Variants in EVC2 observed in about 807,000 individuals in gnomAD.
The protein encoded by EVC2 is EvC ciliary complex subunit 2.
Under a neutral mutation model 149.3 loss-of-function variants are expected in EVC2, and 148 were observed. The observed-to-expected ratio is 0.99, with a 90% CI of 0.87 to 1.14. The LOEUF (loss-of-function observed/expected upper bound fraction) is 1.14. Among genes scored for constraint, EVC2 ranks in the 50% most tolerant of loss-of-function variants. The probability of loss-of-function intolerance (pLI) is 0.00; values close to 1 mark genes in which losing one functional copy is unlikely to be tolerated. For missense variants in EVC2, 1,854 were observed against 1,627.3 expected (o/e 1.14, Z -2.40); for synonymous variants, 776 against 649.9 (o/e 1.19, Z -2.95).
At chr4:5,611,482 A>G (rs900439438) in intron 16 of EVC2, among the ~76,000 whole-genome samples, 5 of 152,208 alleles carry the variant, frequency 3.3e-5, no homozygotes, top group Admixed American at 6.5e-5. Flanking sequence ...TGATGAAAGC[A>G]GAGGCCTGGG....
chr4:5,621,792 C>T (rs1389386233), intron 14 of EVC2, among the ~76,000 whole-genome samples: 1 of 152,140 alleles, frequency 6.6e-6, no homozygotes, highest in Non-Finnish European at 1.5e-5. Flanking sequence ...GGAGGATTGC[C>T]TAAGCCCAGG....
Position 5,568,526 on chromosome 4 carries a change from G to A in EVC2, c.3475C>T (p.Leu1159=). 6.3e-7 allele frequency: 1 copy of A among 1,590,488 alleles called. No homozygotes were observed. Reference sequence around the variant, plus strand: ...ACATGTCTCTCGGTGGCCGAATCCAGCAGGGCCAGCAGCTGAGGCTGTGAG... The same window carrying A: ...ACATGTCTCTCGGTGGCCGAATCCAACAGGGCCAGCAGCTGAGGCTGTGAG... ...TASQPQLLAL[L]DSATERHVDH... is the part of the protein sequence containing the mutation. Residue 1159 remains leucine (L), a synonymous_variant, in exon 20 of 22, where the codon CTG becomes TTG. Coordinates refer to ENST00000344408, the MANE Select transcript of EVC2 (RefSeq NM_147127.5).
intron 16 of EVC2, among the ~76,000 whole-genome samples, chr4:5,596,943 G>A (rs371688378): frequency 2.5e-4 from 38 of 152,222 alleles, no homozygotes; most frequent in African/African-American, 7.7e-4. Context: ...ACACCTCTAC[G>A]CAAATAAACT....
Position 5,708,494 on chromosome 4 carries a change from C to T in EVC2, c.20G>A (p.Arg7Gln), listed in dbSNP as rs969322078. Residue 7 changes from arginine to glutamine, a missense_variant, in exon 1 of 22, where the codon CGG (arginine) becomes CAG (glutamine). Transcript: ENST00000344408. MDPSGSRGRPTWVLAGG... is the reference protein window; with the variant it reads MDPSGSQGRPTWVLAGG... ...GGCCAGCACCCACGTGGGGCGCCCC[C>T]GGGAGCCCGAGGGGTCCATCGCCTG... 5 of 1,479,636 alleles carry T rather than the reference C, an allele frequency of 3.4e-6. No individual in the cohort carries two copies. In the African/African-American group the frequency reaches 5.9e-5, roughly 17 times the overall value. 91.7% of individuals were successfully genotyped at this position (1,479,636 alleles called of 1,614,324 possible).
At chr4:5,626,373 G>C (rs2108844086) in intron 12 of EVC2, among the ~76,000 whole-genome samples, 1 of 128,112 alleles carries the variant, frequency 7.8e-6, no homozygotes, top group South Asian at 2.6e-4. Flanking sequence ...TGGCTCTGTT[G>C]CCCAGGCTGG....
the EVC2 span, among the ~76,000 whole-genome samples, chr4:5,534,818 G>GAAAAAAAAAAAAAAAAAAAAAAA: frequency 1.5e-5 from 1 of 66,886 alleles, no homozygotes; most frequent in African/African-American, 5.2e-5. Context: ...CATCTGGTAG[G>GAAAAAAAAAAAAAAAAAAAAAAA]AAAAAAAAAA....
At chr4:5,543,066 C>T (rs1411284061) in exon 22 of EVC2, 12 of 1,121,070 alleles carry the variant, frequency 1.1e-5, no homozygotes. Context: ...ACAGAGGCTC[C>T]AACGATTGCA....
chr4:5,565,367 C>G lies in EVC2; in HGVS notation c.3558-8G>C. 6.2e-7 allele frequency: 1 copy of G among 1,613,610 alleles called. No individual in the cohort carries two copies. Among genetic ancestry groups the G allele is most frequent in the Non-Finnish European group, 8.5e-7 (1 of 1,179,682 alleles). On this transcript the variant is annotated splice_polypyrimidine_tract_variant and splice_region_variant and intron_variant, in intron 20 of 21. Coordinates refer to ENST00000344408, the MANE Select transcript of EVC2 (RefSeq NM_147127.5). ...CACCAGCTCTGGTGTTTCCTGCAGG[C>G]AAGAAGGGAGTCTTATAGTTTCAAA...
intron 16 of EVC2, among the ~76,000 whole-genome samples, chr4:5,586,774 T>C (rs1331955468): frequency 6.6e-6 from 1 of 152,204 alleles, no homozygotes; most frequent in Non-Finnish European, 1.5e-5. Context: ...CCCACTTTTC[T>C]GGACCAAACC....
rs1312588880 is a variant in EVC2 at position 5,689,243 on chromosome 4, T to C, written c.620A>G (p.Asp207Gly). The change falls in exon 5 of 22, where the codon GAC becomes GGC. Residue 207 changes from aspartate (D) to glycine (G), a missense_variant. By Grantham distance (94) the Asp-to-Gly change is moderately conservative (BLOSUM62 -1). Coordinates refer to ENST00000344408, the MANE Select transcript of EVC2 (RefSeq NM_147127.5). ...CCAAATGGTGAGACCAGCAATGCTG[T>C]CCAGCAAGAGCAGCTCCGAGAGGTT... ...SANLSELLLLDSIAGLTIWDS... is the reference protein window; with the variant it reads ...SANLSELLLLGSIAGLTIWDS... 6.2e-7 allele frequency: 1 copy of C among 1,614,214 alleles called. No homozygotes were observed. The highest frequency in any genetic ancestry group is 2.2e-5 in the East Asian group (1 of 44,880).
Position 5,594,687 on chromosome 4 carries a change from C to T in EVC2, c.2830-9837G>A, listed in dbSNP as rs539473434. ...CCTCTCCTCCTCCAAAGGAACGCAG[C>T]TCCTCACCAGCAACGGAACAAAGCT... On this transcript the variant is annotated intron_variant, in intron 16 of 21. Transcript: ENST00000344408. Among the ~76,000 whole-genome samples, 71 of 152,322 alleles carry T rather than the reference C, an allele frequency of 4.7e-4. 1 individual carries two copies. The highest frequency in any genetic ancestry group is 1.6e-3 in the African/African-American group (68 of 41,578).
intron 16 of EVC2, among the ~76,000 whole-genome samples, chr4:5,612,034 TG>T (rs1271641033): frequency 3.3e-5 from 5 of 152,240 alleles, no homozygotes; most frequent in African/African-American, 1.2e-4. Context: ...ACAGACTTCA[TG>T]GCTATCACAT....
rs370606459 is a variant in EVC2 at position 5,590,001 on chromosome 4, A to C, written c.2830-5151T>G. Among the ~76,000 whole-genome samples the C allele has an allele frequency of 5.9e-5, 9 of 152,270 alleles. No homozygotes were observed. In the East Asian group the frequency reaches 1.2e-3, roughly 20 times the overall value. On this transcript the variant is annotated intron_variant, in intron 16 of 21. Coordinates refer to ENST00000344408, the MANE Select transcript of EVC2 (RefSeq NM_147127.5). The stretch of plus-strand genomic sequence containing the variant: ...AAAAGAGAAGGTGGAGGGGTCAGGG[A>C]AAGTCATGACAATATTGGCATTTGA...
chr4:5,568,109 A>G (rs1157906240), intron 20 of EVC2, among the ~76,000 whole-genome samples: 2 of 152,192 alleles, frequency 1.3e-5, no homozygotes, highest in Non-Finnish European at 2.9e-5. Flanking sequence ...ACTTGCAGAC[A>G]CACACTTGTA....
At chr4:5,705,055 T>C (rs933124115) in intron 1 of EVC2, among the ~76,000 whole-genome samples, 3 of 152,190 alleles carry the variant, frequency 2.0e-5, no homozygotes, top group Non-Finnish European at 4.4e-5. Context: ...GAAGCTATAG[T>C]AATTACACAG....
intron 17 of EVC2, among the ~76,000 whole-genome samples, chr4:5,579,231 G>A (rs1358850373): frequency 6.6e-6 from 1 of 152,144 alleles, no homozygotes; most frequent in East Asian, 1.9e-4. Context: ...ATGGGCTTTG[G>A]AGGCAGGTTT....
At position 5,637,446 on chromosome 4, in the gene EVC2, G is replaced by A. The variant is rs924678741; in HGVS notation, c.1470+3068C>T. 9.3e-5 allele frequency among the ~76,000 whole-genome samples: 14 copies of A among 150,672 alleles called. No individual in the cohort carries two copies. The highest frequency in any genetic ancestry group is 7.9e-4 in the Admixed American group (12 of 15,244). Reference sequence around the variant, plus strand: ...CCTACCTCACTGAGTTGTTGTGAACGCTAAAGAGAGTCAATGGGATGTGCT... The same window carrying A: ...CCTACCTCACTGAGTTGTTGTGAACACTAAAGAGAGTCAATGGGATGTGCT... On this transcript the variant is annotated intron_variant, in intron 10 of 21. Coordinates refer to ENST00000344408, the MANE Select transcript of EVC2 (RefSeq NM_147127.5). This position sits in a 1 kb window ranked among gnomAD's most constrained non-coding sequence, Gnocchi z 4.4.
rs1376071762 is a variant in EVC2 at position 5,622,437 on chromosome 4, C to T, written c.2501+100G>A. On this transcript the variant is annotated intron_variant, in intron 14 of 21. Transcript: ENST00000344408. This position sits in a 1 kb window ranked among gnomAD's most constrained non-coding sequence, Gnocchi z 5.8. The stretch of plus-strand genomic sequence containing the variant: ...GCTGGTAATCTCATCTGTCTGGGGC[C>T]AGGTGTCTCATGCTTGGCCATCCCC... The T allele has an allele frequency of 3.0e-6, 4 of 1,338,240 alleles. No individual in the cohort carries two copies. The highest frequency in any genetic ancestry group is 4.2e-6 in the Non-Finnish European group (4 of 951,448). The allele number at this position is 1,338,240 out of a possible 1,614,324, so 82.9% of individuals were successfully genotyped here.
intron 2 of EVC2, among the ~76,000 whole-genome samples, chr4:5,695,534 T>C (rs988595285): frequency 6.6e-6 from 1 of 152,166 alleles, no homozygotes; most frequent in African/African-American, 2.4e-5. Context: ...CTGTGGGACC[T>C]TGCACAGGTC....
Sources: allele counts gnomAD v4.1 joint callset (sites outside exome capture counted in the v4.1 genomes callset), GRCh38; gene constraint gnomAD v4.1.1; non-coding constraint Gnocchi (gnomAD v3.1); transcripts MANE v1.5; gene names NCBI Gene and HGNC (gene_info 2026-07-23, HGNC 2026-07-21).